MYLK: variants seen among roughly 807,000 people sequenced by gnomAD.
The protein encoded by MYLK is myosin light chain kinase.
MYLK carries 106 observed loss-of-function variants against 203.4 expected under a neutral mutation model. The observed-to-expected ratio is 0.52, with a 90% CI of 0.45 to 0.61. The LOEUF (loss-of-function observed/expected upper bound fraction) is 0.61. Among genes scored for constraint, MYLK ranks in the 20% least tolerant of loss-of-function variants. The pLI, the probability that MYLK is intolerant of heterozygous loss-of-function variation, is 0.00. For synonymous variants in MYLK, 867 were observed against 959.5 expected (o/e 0.90, Z 1.78); for missense variants, 2,072 against 2,442.3 (o/e 0.85, Z 3.20).
intron 1 of MYLK, among the ~76,000 whole-genome samples, chr3:123,883,710 G>A (rs1027362924): frequency 1.3e-5 from 2 of 152,216 alleles, no homozygotes; most frequent in Non-Finnish European, 2.9e-5. Flanking sequence ...GCTTAAATGA[G>A]GAGTATGGAG....
Position 123,682,213 on chromosome 3 carries a change from C to T in MYLK, c.3652+11G>A, listed in dbSNP as rs41271437. The T allele has an allele frequency of 0.042, 66,579 of 1,590,224 alleles. 1,627 individuals are homozygous for T. Among genetic ancestry groups the T allele is most frequent in the Non-Finnish European group, 0.047 (55,301 of 1,166,946 alleles). On this transcript the variant is annotated intron_variant, in intron 20 of 33. Transcript: ENST00000360304. ...TCTGCCTCTGCCTGGTGAAGCTGGG[C>T]GAGTACTCACTCTCAGTTCCTAGCA...
chr3:123,833,343 C>G (rs1168885861), intron 2 of MYLK, among the ~76,000 whole-genome samples: 2 of 152,190 alleles, frequency 1.3e-5, no homozygotes, highest in Admixed American at 6.5e-5. Flanking sequence ...CTGCCACCCC[C>G]CTCAATGTAT....
chr3:123,806,363 A>G (rs1450277246), intron 3 of MYLK, among the ~76,000 whole-genome samples: 1 of 152,196 alleles, frequency 6.6e-6, no homozygotes, highest in Non-Finnish European at 1.5e-5. Context: ...AGAACAGGCC[A>G]TGGTAATCTA....
intron 10 of MYLK, 54 bp downstream of exon 10, chr3:123,733,633 G>T: frequency 6.2e-7 from 1 of 1,601,170 alleles, no homozygotes; most frequent in South Asian, 1.1e-5. Context: ...GGAAGGGAGT[G>T]GCCACCAAGG....
At chr3:123,735,331 T>A (rs1300121423) in intron 9 of MYLK, 67 bp downstream of exon 9, 5 of 1,594,588 alleles carry the variant, frequency 3.1e-6, no homozygotes, top group Non-Finnish European at 4.3e-6. Flanking sequence ...TTCAGGGCAT[T>A]TCTCGGTAAC....
chr3:123,720,241 C>T (rs544858706), intron 13 of MYLK, among the ~76,000 whole-genome samples: 5 of 152,246 alleles, frequency 3.3e-5, no homozygotes, highest in Non-Finnish European at 5.9e-5. Flanking sequence ...CAGGTCCCAG[C>T]CCCCACAGGC....
chr3:123,812,891 A>G (rs1294076512), intron 3 of MYLK, among the ~76,000 whole-genome samples: 2 of 152,290 alleles, frequency 1.3e-5, no homozygotes, highest in South Asian at 2.1e-4. Context: ...GGTCACACCA[A>G]TTCTCCTGTG....
chr3:123,747,361 C>T (rs991470868), intron 5 of MYLK, among the ~76,000 whole-genome samples: 12 of 151,918 alleles, frequency 7.9e-5, no homozygotes, highest in Non-Finnish European at 1.5e-4. Flanking sequence ...TAGTTTCATG[C>T]GGGTGTGGAT....
In MYLK at chr3:123,864,348, C is replaced by A. The variant is rs192380473; in HGVS notation, c.-127+12211G>T. ...TTCATTTCACTATAAATAAGTTTTA[C>A]CTCAAAAGAAAAAATAACGTAAACA... On this transcript the variant is annotated intron_variant, in intron 2 of 33. Transcript: ENST00000360304. Among the ~76,000 whole-genome samples, 76 of 152,192 alleles carry A rather than the reference C, an allele frequency of 5.0e-4. No individual in the cohort carries two copies. In the South Asian group the frequency reaches 0.015, roughly 29 times the overall value.
chr3:123,759,252 T>C (rs2063458522), intron 4 of MYLK, among the ~76,000 whole-genome samples: 1 of 152,188 alleles, frequency 6.6e-6, no homozygotes, highest in South Asian at 2.1e-4. Context: ...TCTGGGATAG[T>C]TGTGGGGCTC....
At chr3:123,858,939 C>T (rs1377326140) in intron 2 of MYLK, among the ~76,000 whole-genome samples, 2 of 152,048 alleles carry the variant, frequency 1.3e-5, no homozygotes, top group Non-Finnish European at 2.9e-5. Context: ...CTGGCTTGTC[C>T]CTAAAACCGG....
At chr3:123,814,601 T>C (rs2065679127) in intron 3 of MYLK, among the ~76,000 whole-genome samples, 1 of 152,224 alleles carries the variant, frequency 6.6e-6, no homozygotes, top group African/African-American at 2.4e-5. Context: ...ATACAAATTA[T>C]CATTGCCTTC....
intron 4 of MYLK, among the ~76,000 whole-genome samples, chr3:123,764,220 C>T (rs1284589067): frequency 5.3e-5 from 8 of 152,162 alleles, no homozygotes; most frequent in Admixed American, 3.9e-4. Context: ...GTTCCTTGTT[C>T]GGTTCTTTAT....
intron 3 of MYLK, among the ~76,000 whole-genome samples, chr3:123,799,070 T>C (rs867937200): frequency 4.6e-5 from 7 of 152,016 alleles, no homozygotes; most frequent in African/African-American, 1.7e-4. Flanking sequence ...TCTTATTCAA[T>C]ACAAGCTAAA....
chr3:123,681,868 T>G (rs41384651), intron 20 of MYLK: 258 of 347,360 alleles, frequency 7.4e-4, no homozygotes, highest in African/African-American at 5.1e-3. Flanking sequence ...AAAGAGCCCC[T>G]GGGAGGGCAG....
intron 5 of MYLK, among the ~76,000 whole-genome samples, chr3:123,740,588 C>T (rs2062827491): frequency 6.6e-6 from 1 of 152,262 alleles, no homozygotes; most frequent in African/African-American, 2.4e-5. Flanking sequence ...GAGCCAGCAG[C>T]TCCTGCAGAA....
chr3:123,653,986 T>TGTGTGTG (rs2059306675), intron 24 of MYLK, among the ~76,000 whole-genome samples: 10 of 137,650 alleles, frequency 7.3e-5, no homozygotes, highest in African/African-American at 1.1e-4. Flanking sequence ...CAGAGGGATG[T>TGTGTGTG]TGTGTGTGTG....
chr3:123,678,888 C>T (rs2060162765), intron 20 of MYLK, among the ~76,000 whole-genome samples: 1 of 152,086 alleles, frequency 6.6e-6, no homozygotes, highest in South Asian at 2.1e-4. Context: ...AGAGGACTTT[C>T]ATGTTGTACA....
intron 27 of MYLK, 99 bp downstream of exon 27, chr3:123,647,125 C>T (rs1406193078): frequency 2.7e-6 from 3 of 1,099,872 alleles, no homozygotes; most frequent in African/African-American, 3.1e-5. Flanking sequence ...GTCTGCAGTG[C>T]TTTCCATCTT....
Sources: allele counts gnomAD v4.1 joint callset (sites outside exome capture counted in the v4.1 genomes callset), GRCh38; gene constraint gnomAD v4.1.1; transcripts MANE v1.5; gene names NCBI Gene and HGNC (gene_info 2026-07-23, HGNC 2026-07-21).